Variants in TASP1 observed in about 807,000 individuals in gnomAD.
TASP1 encodes threonine aspartase 1.
A neutral mutation model predicts 56.6 loss-of-function variants in TASP1; 16 were observed. The ratio of observed to expected loss-of-function variants is 0.28; its 90% confidence interval spans 0.19 to 0.43. TASP1 has a LOEUF of 0.43. Among genes scored for constraint, TASP1 ranks in the 20% least tolerant of loss-of-function variants. The pLI, the probability that TASP1 is intolerant of heterozygous loss-of-function variation, is 1.00. For synonymous variants in TASP1, 179 were observed against 184.2 expected (o/e 0.97, Z 0.23); for missense variants, 393 against 511.6 (o/e 0.77, Z 2.24).
At chr20:13,438,141 T>C (rs1235093193) in intron 11 of TASP1, among the ~76,000 whole-genome samples, 3 of 152,104 alleles carry the variant, frequency 2.0e-5, no homozygotes, top group East Asian at 1.9e-4. Context: ...CTTTACAGAA[T>C]TGGAAAAAAC....
chr20:13,128,503 G>GT, the TASP1 span, among the ~76,000 whole-genome samples: 1 of 152,096 alleles, frequency 6.6e-6, no homozygotes, highest in Non-Finnish European at 1.5e-5. Flanking sequence ...GGCCCCCATG[G>GT]TTACCAAGGT....
intron 10 of TASP1, among the ~76,000 whole-genome samples, chr20:13,518,627 A>C (rs1162011225): frequency 6.6e-6 from 1 of 152,044 alleles, no homozygotes; most frequent in Non-Finnish European, 1.5e-5. Context: ...GGCTTACCCC[A>C]CCACAATGTA....
the TASP1 span, among the ~76,000 whole-genome samples, chr20:13,114,119 T>C: frequency 1.3e-5 from 2 of 152,228 alleles, no homozygotes; most frequent in East Asian, 1.9e-4. Flanking sequence ...CCACATCCAA[T>C]GAAGTAAACA....
the TASP1 span, among the ~76,000 whole-genome samples, chr20:13,309,099 A>G: frequency 6.6e-6 from 1 of 152,302 alleles, no homozygotes; most frequent in Admixed American, 6.5e-5. Context: ...AAAGTAGTAT[A>G]CAATTTTAAT....
At chr20:13,134,840 G>A in the TASP1 span, among the ~76,000 whole-genome samples, 2 of 152,196 alleles carry the variant, frequency 1.3e-5, no homozygotes, top group Non-Finnish European at 2.9e-5. Context: ...CATGAAATGT[G>A]TTTGGATCCA....
intron 11 of TASP1, among the ~76,000 whole-genome samples, chr20:13,436,731 C>G (rs1038641612): frequency 3.9e-5 from 6 of 152,220 alleles, no homozygotes; most frequent in African/African-American, 7.2e-5. Context: ...CAAGAAGAGA[C>G]TGGATAATCC....
chr20:13,589,748 C>T (rs1568620402), intron 4 of TASP1, among the ~76,000 whole-genome samples: 1 of 151,952 alleles, frequency 6.6e-6, no homozygotes. Context: ...TAAAAAAATT[C>T]TACAGCTCTA....
intron 8 of TASP1, among the ~76,000 whole-genome samples, chr20:13,558,730 TA>T (rs2046245632): frequency 6.6e-6 from 1 of 152,260 alleles, no homozygotes; most frequent in African/African-American, 2.4e-5. Context: ...AGCTCATTAA[TA>T]ATTTTTCCCT....
chr20:13,536,244 C>T lies in TASP1; in HGVS notation c.676-2103G>A, dbSNP rs567959799. Among the ~76,000 whole-genome samples the T allele has an allele frequency of 2.6e-5, 4 of 152,274 alleles. No individual in the cohort carries two copies. In the South Asian group the frequency reaches 8.3e-4, roughly 32 times the overall value. On this transcript the variant is annotated intron_variant, in intron 8 of 13. Coordinates refer to ENST00000337743, the MANE Select transcript of TASP1 (RefSeq NM_017714.3). ...CAATATTCCACACTATGCTGATGGTCTAACAGCATCCCACCCCAGGGGACC... is the reference window on the plus strand; with the variant it reads ...CAATATTCCACACTATGCTGATGGTTTAACAGCATCCCACCCCAGGGGACC...
the TASP1 span, among the ~76,000 whole-genome samples, chr20:13,307,619 T>A: frequency 7.8e-4 from 119 of 152,312 alleles, no homozygotes; most frequent in African/African-American, 2.7e-3. Context: ...CCAAGAATAA[T>A]CAGTATCATG....
the TASP1 span, among the ~76,000 whole-genome samples, chr20:13,376,797 C>G: frequency 2.6e-5 from 4 of 152,208 alleles, no homozygotes; most frequent in Admixed American, 1.3e-4. Flanking sequence ...CCTTCACAAC[C>G]CTTGTAAGTT....
chr20:13,273,607 C>T, the TASP1 span, among the ~76,000 whole-genome samples: 2 of 152,154 alleles, frequency 1.3e-5, no homozygotes, highest in Non-Finnish European at 1.5e-5. Context: ...GTTGGGACTC[C>T]CAGAGCTGGG....
chr20:13,216,493 T>C, the TASP1 span, among the ~76,000 whole-genome samples: 1 of 152,160 alleles, frequency 6.6e-6, no homozygotes, highest in African/African-American at 2.4e-5. Context: ...TCATGTATTT[T>C]CTATGACTGG....
chr20:13,489,945 C>G (rs2043463894), intron 10 of TASP1, among the ~76,000 whole-genome samples: 1 of 152,068 alleles, frequency 6.6e-6, no homozygotes, highest in Non-Finnish European at 1.5e-5. Context: ...TATATGGGAC[C>G]AAATGCATTC....
chr20:13,310,386 A>G, the TASP1 span, among the ~76,000 whole-genome samples: 38 of 152,150 alleles, frequency 2.5e-4, no homozygotes, highest in Non-Finnish European at 4.7e-4. Context: ...AGAAGAATGA[A>G]ATTGGACTCT....
intron 6 of TASP1, among the ~76,000 whole-genome samples, chr20:13,574,401 CA>C (rs1176413185): frequency 6.6e-6 from 1 of 152,034 alleles, no homozygotes; most frequent in African/African-American, 2.4e-5. Context: ...ACACAGCACC[CA>C]AAAAGGTAAA....
At chr20:13,158,754 GGGT>G in the TASP1 span, among the ~76,000 whole-genome samples, 10 of 152,160 alleles carry the variant, frequency 6.6e-5, no homozygotes, top group African/African-American at 9.7e-5. Flanking sequence ...TGTGTCTTGT[GGGT>G]CCTGCAGTCT....
intron 4 of TASP1, among the ~76,000 whole-genome samples, chr20:13,621,979 G>A (rs62207622): frequency 0.049 from 7,506 of 152,166 alleles, 298 homozygotes; most frequent in South Asian, 0.073. Flanking sequence ...GTAACATTTG[G>A]TGGTAAATAC....
At chr20:13,324,823 C>T in the TASP1 span, among the ~76,000 whole-genome samples, 6 of 152,136 alleles carry the variant, frequency 3.9e-5, no homozygotes, top group African/African-American at 1.2e-4. Context: ...TGGAAGCACG[C>T]TTAGAAATAA....
Sources: gnomAD v4.1 joint callset for allele counts (sites outside exome capture counted in the v4.1 genomes callset) on GRCh38, gnomAD v4.1.1 for gene constraint, MANE v1.5 for transcripts, NCBI Gene and HGNC (gene_info 2026-07-23, HGNC 2026-07-21) for gene names.